KCNH7: variants seen among roughly 807,000 people sequenced by gnomAD.
KCNH7 encodes the protein voltage-gated inwardly rectifying potassium channel KCNH7.
Under a neutral mutation model 120.8 loss-of-function variants are expected in KCNH7, and 49 were observed. That is an observed-to-expected ratio of 0.41 (90% CI 0.32 to 0.51). The LOEUF is 0.51. Ranked by LOEUF, KCNH7 falls within the 20% of genes least tolerant of loss-of-function variation. KCNH7 has a pLI of 0.38. For synonymous variants in KCNH7, 547 were observed against 516.1 expected (o/e 1.06, Z -0.81); for missense variants, 1,097 against 1,446.6 (o/e 0.76, Z 3.92).
At chr2:162,527,882 T>A (rs916300354) in intron 3 of KCNH7, 13 of 152,038 alleles carry the variant, frequency 8.6e-5, no homozygotes, top group African/African-American at 3.1e-4. Flanking sequence ...TTTTTATAGT[T>A]CTAGCTAAAC....
chr2:162,521,754 C>T (rs1389542499), intron 3 of KCNH7, among the ~76,000 whole-genome samples: 1 of 151,830 alleles, frequency 6.6e-6, no homozygotes, highest in Non-Finnish European at 1.5e-5. Context: ...GTGTCAGAAA[C>T]ATTCCAATTC....
intron 2 of KCNH7, among the ~76,000 whole-genome samples, chr2:162,620,787 G>A (rs951560886): frequency 6.6e-6 from 1 of 151,984 alleles, no homozygotes; most frequent in African/African-American, 2.4e-5. Context: ...TTTTTTAGGT[G>A]CCAAGAAATC....
intron 2 of KCNH7, among the ~76,000 whole-genome samples, chr2:162,658,412 A>C (rs1039858622): frequency 1.3e-5 from 2 of 152,210 alleles, no homozygotes; most frequent in African/African-American, 4.8e-5. Context: ...TATGTCTTAA[A>C]GTTGGGTAAT....
chr2:162,823,070 T>G (rs774277901), intron 2 of KCNH7, among the ~76,000 whole-genome samples: 266 of 152,166 alleles, frequency 1.7e-3, no homozygotes, highest in Non-Finnish European at 2.9e-3. Context: ...ATGGGTGAGG[T>G]GGTACAGTAG....
chr2:162,719,876 C>T (rs1434991), intron 2 of KCNH7, among the ~76,000 whole-genome samples: 4,441 of 152,060 alleles, frequency 0.029, 314 homozygotes, highest in Admixed American at 0.18. Context: ...TTAAATAGTT[C>T]CCTGCAACCT....
At chr2:162,476,103 C>T (rs1689732927) in intron 6 of KCNH7, among the ~76,000 whole-genome samples, 1 of 152,196 alleles carries the variant, frequency 6.6e-6, no homozygotes, top group African/African-American at 2.4e-5. Flanking sequence ...ATTTAGAACT[C>T]ATATGAAGCC....
intron 2 of KCNH7, among the ~76,000 whole-genome samples, chr2:162,584,025 A>AGTAAAATATATAGATAAAAGCT (rs1191488494): frequency 6.6e-6 from 1 of 152,166 alleles, no homozygotes; most frequent in African/African-American, 2.4e-5. Context: ...ACATGTTCAT[A>AGTAAAATATATAGATAAAAGCT]GTAAAATATA....
chr2:162,407,420 A>G (rs1687261026), intron 9 of KCNH7, among the ~76,000 whole-genome samples: 1 of 152,038 alleles, frequency 6.6e-6, no homozygotes, highest in Admixed American at 6.6e-5. Flanking sequence ...AAGGAAACTT[A>G]AACTTTATCC....
At chr2:162,823,364 T>G (rs1685179354) in intron 2 of KCNH7, among the ~76,000 whole-genome samples, 1 of 152,212 alleles carries the variant, frequency 6.6e-6, no homozygotes, top group Admixed American at 6.5e-5. Flanking sequence ...GAATTTCATA[T>G]GTTGCCACAG....
chr2:162,813,472 A>C (rs1293102828), intron 2 of KCNH7, among the ~76,000 whole-genome samples: 1 of 152,126 alleles, frequency 6.6e-6, no homozygotes, highest in Non-Finnish European at 1.5e-5. Context: ...GCTCATTAAA[A>C]CTTGGTGAAA....
chr2:162,442,758 G>A (rs1206744124), intron 7 of KCNH7, among the ~76,000 whole-genome samples: 1 of 152,094 alleles, frequency 6.6e-6, no homozygotes, highest in Non-Finnish European at 1.5e-5. Flanking sequence ...TCAGGGGGGT[G>A]AGGCAGAGGA....
At chr2:162,821,319 C>A (rs556509779) in intron 2 of KCNH7, among the ~76,000 whole-genome samples, 158 of 152,286 alleles carry the variant, frequency 1.0e-3, no homozygotes, top group Middle Eastern at 3.4e-3. Flanking sequence ...TTACTAAGAA[C>A]CTTCAACATG....
chr2:162,498,583 A>T (rs1690575769), intron 6 of KCNH7, among the ~76,000 whole-genome samples: 1 of 151,724 alleles, frequency 6.6e-6, no homozygotes, highest in Admixed American at 6.6e-5. Flanking sequence ...CTGCTGTTTG[A>T]TTCTCCTGCT....
chr2:162,602,615 C>T (rs563985472), intron 2 of KCNH7, among the ~76,000 whole-genome samples: 6 of 152,148 alleles, frequency 3.9e-5, no homozygotes, highest in Non-Finnish European at 7.4e-5. Flanking sequence ...TTATTCAGGT[C>T]TCTGCTAACA....
At chr2:162,579,066 T>G (rs1471525284) in intron 2 of KCNH7, among the ~76,000 whole-genome samples, 2 of 151,640 alleles carry the variant, frequency 1.3e-5, no homozygotes, top group Admixed American at 6.6e-5. Flanking sequence ...TGAAGAAAAA[T>G]GTGTCAGTTT....
chr2:162,747,924 A>G (rs1688370106), intron 2 of KCNH7, among the ~76,000 whole-genome samples: 1 of 152,174 alleles, frequency 6.6e-6, no homozygotes, highest in South Asian at 2.1e-4. Flanking sequence ...CTACGAGCAA[A>G]TACTTATTCT....
At chr2:162,460,317 A>T (rs1046366337) in intron 6 of KCNH7, among the ~76,000 whole-genome samples, 2 of 152,060 alleles carry the variant, frequency 1.3e-5, no homozygotes. Flanking sequence ...GATGTCTAGG[A>T]AGATGCTGAG....
rs147256547 is a variant in KCNH7 at position 162,620,221 on chromosome 2, TAGAG to T, written c.308-83145_308-83142del. Among the ~76,000 whole-genome samples, 1,329 of 150,690 alleles carry T rather than the reference TAGAG, an allele frequency of 8.8e-3. 7 individuals are homozygous for T. Among genetic ancestry groups the T allele is most frequent in the Non-Finnish European group, 0.014 (951 of 67,666 alleles). On this transcript the variant is annotated intron_variant, in intron 2 of 15. Transcript: ENST00000332142. ...TTTATTTTATATATTAAAATATATATAGAGAGAGGAAAATCTCTTAATATAGAGA... is the reference window on the plus strand; with the variant it reads ...TTTATTTTATATATTAAAATATATATAGAGGAAAATCTCTTAATATAGAGA...
chr2:162,467,806 A>G (rs1374213864), intron 6 of KCNH7, among the ~76,000 whole-genome samples: 1 of 152,166 alleles, frequency 6.6e-6, no homozygotes, highest in East Asian at 1.9e-4. Context: ...TATTTCTCAC[A>G]GTTGTGGAAT....
Sources: gnomAD v4.1 joint callset for allele counts (sites outside exome capture counted in the v4.1 genomes callset) on GRCh38, gnomAD v4.1.1 for gene constraint, MANE v1.5 for transcripts, NCBI Gene and HGNC (gene_info 2026-07-23, HGNC 2026-07-21) for gene names.